Variants in MAN1C1 observed in about 807,000 individuals in gnomAD.
The protein encoded by MAN1C1 is mannosyl-oligosaccharide 1,2-alpha-mannosidase IC.
A neutral mutation model predicts 71.5 loss-of-function variants in MAN1C1; 49 were observed. The ratio of observed to expected loss-of-function variants is 0.69; its 90% CI spans 0.54 to 0.87. MAN1C1 has a LOEUF of 0.87. Ranked by LOEUF, MAN1C1 falls within the 40% of genes least tolerant of loss-of-function variation. The probability of loss-of-function intolerance (pLI) is 0.00; values close to 1 mark genes in which losing one functional copy is unlikely to be tolerated. For synonymous variants in MAN1C1, 352 were observed against 343.7 expected, an observed-to-expected ratio of 1.02 and a Z score of -0.27; for missense variants, 743 against 835.0, an observed-to-expected ratio of 0.89 and a Z score of 1.36.
intron 1 of MAN1C1, among the ~76,000 whole-genome samples, chr1:25,666,410 G>A (rs2045925294): frequency 6.6e-6 from 1 of 152,188 alleles, no homozygotes; most frequent in South Asian, 2.1e-4. Flanking sequence ...TAGACCTGGA[G>A]TCAAATCTGA....
chr1:25,768,636 T>A (rs1399601452), intron 7 of MAN1C1, among the ~76,000 whole-genome samples: 3 of 67,880 alleles, frequency 4.4e-5, no homozygotes, highest in South Asian at 6.0e-4. Context: ...ACACACACAA[T>A]TACACACTCC....
chr1:25,620,387 C>A (rs1182586885), intron 1 of MAN1C1, among the ~76,000 whole-genome samples: 1 of 152,126 alleles, frequency 6.6e-6, no homozygotes, highest in Non-Finnish European at 1.5e-5. Context: ...TGTTTTGAAA[C>A]CTATTGTCTC....
chr1:25,763,826 G>T (rs372571976), intron 6 of MAN1C1, 48 bp from the exon 7 acceptor site: 4 of 1,499,034 alleles, frequency 2.7e-6, no homozygotes, highest in Non-Finnish European at 3.7e-6. Context: ...GGGTGCAGTC[G>T]GCTTCTTCGG....
intron 2 of MAN1C1, among the ~76,000 whole-genome samples, chr1:25,693,597 C>G (rs1438676221): frequency 1.3e-5 from 2 of 152,168 alleles, no homozygotes; most frequent in Admixed American, 1.3e-4. Context: ...CCCCACTGCA[C>G]TCCAGCTTGG....
chr1:25,672,788 G>A (rs1310874809), intron 1 of MAN1C1, among the ~76,000 whole-genome samples: 1 of 152,196 alleles, frequency 6.6e-6, no homozygotes, highest in Non-Finnish European at 1.5e-5. Flanking sequence ...TAGGCAAGGG[G>A]GGCTGTGTGT....
At chr1:25,749,699 C>T (rs550479254) in intron 4 of MAN1C1, among the ~76,000 whole-genome samples, 1 of 152,310 alleles carries the variant, frequency 6.6e-6, no homozygotes, top group Non-Finnish European at 1.5e-5. Flanking sequence ...TGTATGTTCT[C>T]TGAGAGCAGC....
At chr1:25,657,008 G>T (rs868844604) in intron 1 of MAN1C1, among the ~76,000 whole-genome samples, 1 of 152,014 alleles carries the variant, frequency 6.6e-6, no homozygotes, top group African/African-American at 2.4e-5. Flanking sequence ...TGTATTTTTC[G>T]TAGAGACGGG....
chr1:25,782,236 C>T lies in MAN1C1; in HGVS notation c.1651-349C>T, dbSNP rs1031166295. 2.0e-5 allele frequency among the ~76,000 whole-genome samples: 3 copies of T among 152,182 alleles called. No individual in the cohort carries two copies. Among genetic ancestry groups the T allele is most frequent in the African/African-American group, 7.2e-5 (3 of 41,436 alleles). ...CACCCGTGGCTTCTCTTCACCTCTGCCTACCACTGTGGGTGAATCTGTAAG... is the reference window on the plus strand; with the variant it reads ...CACCCGTGGCTTCTCTTCACCTCTGTCTACCACTGTGGGTGAATCTGTAAG... On this transcript the variant is annotated intron_variant, in intron 10 of 11. Transcript: ENST00000374332. This position sits in a 1 kb window ranked among gnomAD's most constrained non-coding sequence, Gnocchi z 4.4.
intron 2 of MAN1C1, among the ~76,000 whole-genome samples, chr1:25,733,459 C>T (rs999902721): frequency 3.9e-5 from 6 of 152,148 alleles, no homozygotes; most frequent in East Asian, 1.9e-4. Flanking sequence ...GCATTCTGCC[C>T]GCCGTGCCCT....
chr1:25,635,691 C>T (rs1365321159), intron 1 of MAN1C1, among the ~76,000 whole-genome samples: 1 of 152,134 alleles, frequency 6.6e-6, no homozygotes, highest in African/African-American at 2.4e-5. Flanking sequence ...TCATGTGATC[C>T]ACCCACCTCG....
chr1:25,762,413 A>ATG (rs2047373243), intron 6 of MAN1C1, among the ~76,000 whole-genome samples: 1 of 147,428 alleles, frequency 6.8e-6, no homozygotes. Context: ...GTGAGCCACC[A>ATG]CCCCTAACCT....
chr1:25,623,714 C>T (rs72873780), intron 1 of MAN1C1, among the ~76,000 whole-genome samples: 3,686 of 151,872 alleles, frequency 0.024, 165 homozygotes, highest in African/African-American at 0.084. Context: ...AGCACCCAGC[C>T]TTGTGGATAC....
chr1:25,619,327 C>T (rs148548154), intron 1 of MAN1C1, among the ~76,000 whole-genome samples: 15 of 152,268 alleles, frequency 9.9e-5, no homozygotes, highest in Non-Finnish European at 1.9e-4. Context: ...CCCATGGACT[C>T]AAAGGAAAGA....
chr1:25,697,074 G>A (rs2124205904), intron 2 of MAN1C1, among the ~76,000 whole-genome samples: 1 of 152,246 alleles, frequency 6.6e-6, no homozygotes, highest in East Asian at 1.9e-4. Flanking sequence ...ACACTAGTTT[G>A]TTTTTCCTGT....
At chr1:25,640,868 A>T (rs2045527055) in intron 1 of MAN1C1, among the ~76,000 whole-genome samples, 1 of 152,198 alleles carries the variant, frequency 6.6e-6, no homozygotes, top group Non-Finnish European at 1.5e-5. Context: ...AAAGGTATCA[A>T]TCCAGATCGA....
chr1:25,671,179 G>A (rs995930317), intron 1 of MAN1C1, among the ~76,000 whole-genome samples: 1 of 152,102 alleles, frequency 6.6e-6, no homozygotes. Flanking sequence ...ACACCTGGTC[G>A]CTGCTGCTGT....
At chr1:25,626,123 C>T (rs957348867) in intron 1 of MAN1C1, among the ~76,000 whole-genome samples, 5 of 152,110 alleles carry the variant, frequency 3.3e-5, no homozygotes, top group African/African-American at 1.2e-4. Flanking sequence ...GAATTACTGG[C>T]CCATAGAGCA....
chr1:25,733,193 T>C (rs1190256464), intron 2 of MAN1C1, among the ~76,000 whole-genome samples: 2 of 152,118 alleles, frequency 1.3e-5, no homozygotes, highest in East Asian at 3.9e-4. Flanking sequence ...CAGACCCAGG[T>C]GCTCCTGCCC....
In MAN1C1 at chr1:25,775,249, G is replaced by C. The variant is rs2047604111; in HGVS notation, c.1258-2856G>C. Among the ~76,000 whole-genome samples the C allele has an allele frequency of 6.6e-6, 1 of 152,220 alleles. No homozygotes were observed. The highest frequency in any genetic ancestry group is 1.5e-5 in the Non-Finnish European group (1 of 68,038). On this transcript the variant is annotated intron_variant, in intron 8 of 11. Transcript: ENST00000374332. The surrounding 1 kb of genome is among the most constrained non-coding windows in gnomAD (Gnocchi z 5.1). ...GAGCAGCTGCCAGGGACATGGCTCT[G>C]CCCGGGAGCCAGGCCGGGCCCAGAG...
Sources: allele counts gnomAD v4.1 joint callset (sites outside exome capture counted in the v4.1 genomes callset), GRCh38; gene constraint gnomAD v4.1.1; non-coding constraint Gnocchi (gnomAD v3.1); transcripts MANE v1.5; gene names NCBI Gene and HGNC (gene_info 2026-07-23, HGNC 2026-07-21).